Variants in BTBD8 observed in about 807,000 individuals in gnomAD.
BTBD8 encodes the protein BTB/POZ domain-containing protein 8.
Under a neutral mutation model 162.9 loss-of-function variants are expected in BTBD8, and 110 were observed. That is an observed-to-expected ratio of 0.68 (90% CI 0.58 to 0.79). The LOEUF is 0.79. Among genes scored for constraint, BTBD8 ranks in the 30% least tolerant of loss-of-function variants. The pLI is 0.00. For synonymous variants in BTBD8, 667 were observed against 716.1 expected, an observed-to-expected ratio of 0.93 and a Z score of 1.10; for missense variants, 1,905 against 2,085.4, an observed-to-expected ratio of 0.91 and a Z score of 1.68.
At chr1:92,123,195 A>T (rs1176702013) in intron 4 of BTBD8, among the ~76,000 whole-genome samples, 10 of 152,206 alleles carry the variant, frequency 6.6e-5, no homozygotes, top group Admixed American at 6.5e-4. Context: ...ATTCTGTTCC[A>T]GTGATTTATA....
chr1:92,084,678 AT>A (rs1285115175), intron 1 of BTBD8, among the ~76,000 whole-genome samples: 4 of 152,134 alleles, frequency 2.6e-5, no homozygotes, highest in Non-Finnish European at 4.4e-5. Context: ...TCTCCCCTGT[AT>A]GTAAGCCCCT....
chr1:92,181,517 T>C lies in BTBD8; in HGVS notation c.3834T>C (p.Asp1278=). 1 of 1,551,754 alleles carries C rather than the reference T, an allele frequency of 6.4e-7. No homozygotes were observed. Among genetic ancestry groups the C allele is most frequent in the Non-Finnish European group, 8.7e-7 (1 of 1,146,980 alleles). ...ATGCTGGAGGGTCTCAGGATGATGA[T>C]GGGTCAAATGACAGAGGTATCTCTA... The part of the protein sequence containing the change: ...DYDAGGSQDD[D]GSNDRGISKC... Residue 1278 remains aspartate (D), a synonymous_variant, in exon 17 of 18, where the codon GAT becomes GAC. Transcript: ENST00000636805.
chr1:92,136,259 T>C (rs558050680), intron 5 of BTBD8, among the ~76,000 whole-genome samples: 1 of 152,284 alleles, frequency 6.6e-6, no homozygotes, highest in Admixed American at 6.5e-5. Flanking sequence ...ATTGAACATA[T>C]ATTATTTAAG....
intron 2 of BTBD8, among the ~76,000 whole-genome samples, chr1:92,093,482 G>T (rs1029615033): frequency 2.0e-5 from 3 of 152,092 alleles, no homozygotes; most frequent in Non-Finnish European, 2.9e-5. Context: ...GTGAGCCACC[G>T]CACCCAGCCG....
At chr1:92,116,775 TCTC>T (rs1172954596) in intron 4 of BTBD8, among the ~76,000 whole-genome samples, 3 of 152,008 alleles carry the variant, frequency 2.0e-5, no homozygotes, top group Non-Finnish European at 4.4e-5. Flanking sequence ...AGTCTCATAA[TCTC>T]CTTTTAATTG....
intron 9 of BTBD8, among the ~76,000 whole-genome samples, chr1:92,163,538 G>A (rs962005027): frequency 3.3e-5 from 5 of 151,786 alleles, no homozygotes; most frequent in East Asian, 1.9e-4. Context: ...ACAGGAAGGA[G>A]AGGAAGACTT....
chr1:92,143,969 CTTTTTTTT>C (rs935357789), intron 7 of BTBD8, among the ~76,000 whole-genome samples: 2 of 103,214 alleles, frequency 1.9e-5, no homozygotes, highest in Non-Finnish European at 4.0e-5. Context: ...ACTTTTAGTT[CTTTTTTTT>C]TTTTTTTTTT....
intron 4 of BTBD8, among the ~76,000 whole-genome samples, chr1:92,123,645 A>G (rs1397306293): frequency 6.6e-6 from 1 of 151,940 alleles, no homozygotes. Flanking sequence ...ATTACACTAA[A>G]TCATCTTTGG....
chr1:92,172,903 G>A (rs1650590303), intron 13 of BTBD8, among the ~76,000 whole-genome samples: 2 of 152,142 alleles, frequency 1.3e-5, no homozygotes, highest in African/African-American at 4.8e-5. Flanking sequence ...ACTATAAGTT[G>A]GAGAGTAGCT....
intron 1 of BTBD8, among the ~76,000 whole-genome samples, chr1:92,081,799 C>T (rs1648023855): frequency 6.6e-6 from 1 of 152,184 alleles, no homozygotes; most frequent in Non-Finnish European, 1.5e-5. Context: ...GTCACGAACT[C>T]GTGACCACAA....
At chr1:92,106,511 A>G (rs1274601659) in intron 3 of BTBD8, among the ~76,000 whole-genome samples, 1 of 151,636 alleles carries the variant, frequency 6.6e-6, no homozygotes, top group Non-Finnish European at 1.5e-5. Context: ...ATACAAAAAA[A>G]TTAGCCAGGC....
At chr1:92,093,261 C>T (rs1316973797) in intron 2 of BTBD8, among the ~76,000 whole-genome samples, 4 of 130,178 alleles carry the variant, frequency 3.1e-5, no homozygotes, top group Middle Eastern at 6.9e-3. Flanking sequence ...GGCATGATTT[C>T]GGCTCACTGC....
chr1:92,142,712 C>T (rs1649806919), intron 7 of BTBD8, among the ~76,000 whole-genome samples: 1 of 152,214 alleles, frequency 6.6e-6, no homozygotes, highest in Non-Finnish European at 1.5e-5. Context: ...CCATGTCCCA[C>T]TTGGGGAGGT....
At position 92,107,966 on chromosome 1, in the gene BTBD8, T is replaced by G. The variant is rs1382166769; in HGVS notation, c.627T>G (p.Asp209Glu). Residue 209 changes from aspartate (D) to glutamate (E), a missense_variant, in exon 4 of 18, where the codon GAT (aspartate) becomes GAG (glutamate). Asp to Glu is a conservative substitution (Grantham distance 45). Around this residue, in one of 3 missense-constraint regions of BTBD8, gnomAD observed 1,374 missense variants for 1,442.7 expected, o/e 0.95. Coordinates refer to ENST00000636805, the MANE Select transcript of BTBD8 (RefSeq NM_001376131.1). ...TGAAACCTTGTTGCCCAGATATTGA[T>G]ATTTTTGTTGATGGAAAACGTTTTA... ...LYVKPCCPDI[D>E]IFVDGKRFKA... The G allele has an allele frequency of 6.2e-7, 1 of 1,614,024 alleles. No individual in the cohort carries two copies. Among genetic ancestry groups the G allele is most frequent in the Non-Finnish European group, 8.5e-7 (1 of 1,179,992 alleles).
At chr1:92,164,029 G>A (rs1049452056) in intron 9 of BTBD8, among the ~76,000 whole-genome samples, 2 of 152,152 alleles carry the variant, frequency 1.3e-5, no homozygotes, top group Admixed American at 1.3e-4. Context: ...AGTGCCTGCA[G>A]TAGAACAAAT....
At chr1:92,100,894 C>T (rs1053190712) in intron 2 of BTBD8, among the ~76,000 whole-genome samples, 21 of 152,184 alleles carry the variant, frequency 1.4e-4, no homozygotes, top group Admixed American at 9.8e-4. Flanking sequence ...TGGGCGTGAG[C>T]CACCGCGCCT....
In BTBD8 at chr1:92,182,510, T is replaced by A. The variant is rs1216912086; in HGVS notation, c.4827T>A (p.Phe1609Leu). The A allele has an allele frequency of 6.5e-7, 1 of 1,548,062 alleles. No individual in the cohort carries two copies. Among genetic ancestry groups the A allele is most frequent in the Non-Finnish European group, 8.7e-7 (1 of 1,145,438 alleles). The change falls in exon 17 of 18, where the codon TTT (phenylalanine) becomes TTA (leucine). Residue 1609 changes from phenylalanine (F) to leucine (L), a missense_variant. Transcript: ENST00000636805. ...KNSSTKSLDSFRSQVLPQEGP... is the reference protein window; with the variant it reads ...KNSSTKSLDSLRSQVLPQEGP... ...GCTCTACAAAATCTCTAGACTCCTTTCGGAGTCAAGTTCTGCCTCAGGAAG... is the reference window on the plus strand; with the variant it reads ...GCTCTACAAAATCTCTAGACTCCTTACGGAGTCAAGTTCTGCCTCAGGAAG...
At chr1:92,159,461 G>A (rs1017955898) in intron 9 of BTBD8, among the ~76,000 whole-genome samples, 15 of 152,140 alleles carry the variant, frequency 9.9e-5, no homozygotes, top group Admixed American at 7.2e-4. Context: ...ACAGGCATGA[G>A]CCACCATGCC....
intron 15 of BTBD8, 34 bp from the exon 16 acceptor site, chr1:92,178,277 TA>T: frequency 6.7e-7 from 1 of 1,484,590 alleles, no homozygotes; most frequent in Non-Finnish European, 9.0e-7. Context: ...TTTTGGAATC[TA>T]AGTGTAATAC....
Sources: allele counts gnomAD v4.1 joint callset (sites outside exome capture counted in the v4.1 genomes callset), GRCh38; gene constraint gnomAD v4.1.1; regional missense constraint gnomAD v4.1.1; transcripts MANE v1.5; gene names NCBI Gene and HGNC (gene_info 2026-07-23, HGNC 2026-07-21).